ASPSCR1: variants seen among roughly 807,000 people sequenced by gnomAD.
ASPSCR1 encodes the protein tether containing UBX domain for GLUT4.
Under a neutral mutation model 68.9 loss-of-function variants are expected in ASPSCR1, and 55 were observed. The observed-to-expected ratio is 0.80, with a 90% CI of 0.64 to 1.00. The LOEUF is 1.00. ASPSCR1 is among the 50% of genes least tolerant of loss of function. The pLI, the probability that ASPSCR1 is intolerant of heterozygous loss-of-function variation, is 0.00. For missense variants in ASPSCR1, 765 were observed against 762.2 expected, an observed-to-expected ratio of 1.00 and a Z score of -0.04; for synonymous variants, 352 against 332.6, an observed-to-expected ratio of 1.06 and a Z score of -0.63.
rs869273858 is a variant in ASPSCR1 at position 81,999,626 on chromosome 17, CAAA to C, written c.933+2796_933+2798del. ...CGGGTGACAGAGTGAAACTCCATCT[CAAA>C]AAAAAAAAAAAAAAAGAAAACAAGA... On this transcript the variant is annotated intron_variant, in intron 7 of 15. Transcript: ENST00000306739. This position sits in a 1 kb window ranked among gnomAD's most constrained non-coding sequence, Gnocchi z 4.4. 6.9e-5 allele frequency among the ~76,000 whole-genome samples: 5 copies of C among 72,002 alleles called. No individual in the cohort carries two copies. Among genetic ancestry groups the C allele is most frequent in the Non-Finnish European group, 2.9e-5 (1 of 34,486 alleles). 47.2% of individuals were successfully genotyped at this position (72,002 alleles called of 152,430 possible). A position where few individuals can be genotyped will look rare whatever the true frequency, so the allele number is the denominator to read the frequency against.
At chr17:81,995,283 G>A (rs1464693340) in intron 5 of ASPSCR1, 1 of 376,996 alleles carries the variant, frequency 2.7e-6, no homozygotes, top group Non-Finnish European at 4.7e-6. Flanking sequence ...CCCTTTGCTG[G>A]GGTGGGGGGG....
At chr17:81,982,366 A>G (rs543305086) in intron 2 of ASPSCR1, among the ~76,000 whole-genome samples, 1 of 152,370 alleles carries the variant, frequency 6.6e-6, no homozygotes, top group South Asian at 2.1e-4. Flanking sequence ...GCAATACCAT[A>G]GCCATGTTTT....
At chr17:81,994,743 A>G in intron 4 of ASPSCR1, 78 bp from the exon 5 acceptor site, 1 of 1,465,480 alleles carries the variant, frequency 6.8e-7, no homozygotes, top group Non-Finnish European at 9.5e-7. Context: ...TTGCTTTCCG[A>G]GTCTCCTGCC....
intron 8 of ASPSCR1, 110 bp downstream of exon 8, chr17:82,009,301 C>G: frequency 6.9e-7 from 1 of 1,440,240 alleles, no homozygotes; most frequent in Middle Eastern, 2.0e-4. Flanking sequence ...GCCCAGGTCC[C>G]TGACAGGCTG....
At chr17:81,984,958 CCACACACCTG>C (rs1450711713) in intron 3 of ASPSCR1, among the ~76,000 whole-genome samples, 10 of 121,312 alleles carry the variant, frequency 8.2e-5, no homozygotes, top group Admixed American at 3.2e-4. Flanking sequence ...CGCACACACC[CCACACACCTG>C]CACACACCCA....
chr17:81,985,045 C>T (rs1254024277), intron 3 of ASPSCR1, among the ~76,000 whole-genome samples: 1 of 139,812 alleles, frequency 7.2e-6, no homozygotes, highest in African/African-American at 2.7e-5. Flanking sequence ...ACACACCTCC[C>T]CCCCACACAC....
intron 10 of ASPSCR1, among the ~76,000 whole-genome samples, chr17:82,011,192 G>A (rs1386700393): frequency 1.3e-5 from 2 of 152,088 alleles, no homozygotes; most frequent in Non-Finnish European, 2.9e-5. Context: ...GAGGGCAGTG[G>A]TGCTGTGACA....
At chr17:81,980,864 C>T (rs2041773411) in intron 2 of ASPSCR1, among the ~76,000 whole-genome samples, 1 of 152,116 alleles carries the variant, frequency 6.6e-6, no homozygotes, top group Admixed American at 6.6e-5. Flanking sequence ...TTTTTGGCCT[C>T]TGAAGTCAGA....
chr17:82,015,523 G>A, intron 12 of ASPSCR1: 1 of 896,552 alleles, frequency 1.1e-6, no homozygotes, highest in Non-Finnish European at 1.6e-6. Context: ...TGGCCTGTGG[G>A]GGCTATGATG....
rs1396814913 is a variant in ASPSCR1, at chr17:81,999,520, G to A, written c.933+2674G>A. Among the ~76,000 whole-genome samples the A allele has an allele frequency of 6.6e-6, 1 of 151,982 alleles. No individual in the cohort carries two copies. The highest frequency in any genetic ancestry group is 2.4e-5 in the African/African-American group (1 of 41,358). ...CAGGTGCCTGTAATCCCAGCTACTC[G>A]GGAGACTGAGGCAGGAGAATCTCTT... On this transcript the variant is annotated intron_variant, in intron 7 of 15. Transcript: ENST00000306739. This position sits in a 1 kb window ranked among gnomAD's most constrained non-coding sequence, Gnocchi z 4.4.
intron 7 of ASPSCR1, among the ~76,000 whole-genome samples, chr17:81,998,742 G>A (rs1598411725): frequency 6.6e-6 from 1 of 152,206 alleles, no homozygotes; most frequent in Non-Finnish European, 1.5e-5. Flanking sequence ...TTTGGGAATC[G>A]AATTTCACCT....
At position 81,983,546 on chromosome 17, in the gene ASPSCR1, T is replaced by C; in HGVS notation, c.159-8T>C. ...AGGGCAGCAAGTGTGCTCTGGTCTG[T>C]CTTGCAGGTTTCAGAGGAGCGTGCT... On this transcript the variant is annotated splice_region_variant and splice_polypyrimidine_tract_variant and intron_variant, in intron 2 of 15. Transcript: ENST00000306739. The surrounding 1 kb of genome is among the most constrained non-coding windows in gnomAD (Gnocchi z 4.4). 3 of 1,604,544 alleles carry C rather than the reference T, an allele frequency of 1.9e-6. No individual in the cohort carries two copies. Among genetic ancestry groups the C allele is most frequent in the Non-Finnish European group, 2.6e-6 (3 of 1,173,596 alleles).
chr17:82,015,114 C>A (rs887536327), intron 12 of ASPSCR1: 31 of 1,598,096 alleles, frequency 1.9e-5, no homozygotes, highest in African/African-American at 2.7e-5. Flanking sequence ...CACCCTGGGT[C>A]CCTCGCTGAA....
chr17:82,003,391 T>G (rs1419967020), intron 7 of ASPSCR1, among the ~76,000 whole-genome samples: 1 of 152,194 alleles, frequency 6.6e-6, no homozygotes, highest in Non-Finnish European at 1.5e-5. Flanking sequence ...AAGACTGCAG[T>G]GAGCTGAGAT....
chr17:81,987,327 G>A lies in ASPSCR1; in HGVS notation c.374+1720G>A, dbSNP rs141363920. The stretch of plus-strand genomic sequence containing the variant: ...CTGGGTGAGAAGCAGGGATCCCGGC[G>A]CCCTGGCTCTGTGCTGCTTCCTGAG... On this transcript the variant is annotated intron_variant, in intron 4 of 15. Transcript: ENST00000306739. The surrounding 1 kb of genome is among the most constrained non-coding windows in gnomAD (Gnocchi z 5.6). Among the ~76,000 whole-genome samples, 222 of 152,346 alleles carry A rather than the reference G, an allele frequency of 1.5e-3. 3 individuals carry two copies. Among genetic ancestry groups the A allele is most frequent in the African/African-American group, 5.2e-3 (218 of 41,572 alleles).
chr17:82,014,452 TTCTC>T (rs989341454), intron 12 of ASPSCR1: 1 of 154,818 alleles, frequency 6.5e-6, no homozygotes, highest in Non-Finnish European at 1.4e-5. Flanking sequence ...CCGTGGTGCC[TTCTC>T]TCTCCCGGGC....
At chr17:82,015,079 A>G in intron 12 of ASPSCR1, 2 of 1,597,188 alleles carry the variant, frequency 1.3e-6, no homozygotes, top group Non-Finnish European at 1.7e-6. Flanking sequence ...TTCCAGCCCC[A>G]GCTTGGTGAC....
intron 7 of ASPSCR1, among the ~76,000 whole-genome samples, chr17:82,002,562 AT>A (rs1415610433): frequency 6.8e-6 from 1 of 147,368 alleles, no homozygotes; most frequent in Non-Finnish European, 1.5e-5. Flanking sequence ...GCCTATTTTT[AT>A]TTTTATTTTT....
Position 82,016,490 on chromosome 17 carries a change from G to T in ASPSCR1, c.1368G>T (p.Pro456=), listed in dbSNP as rs774550098. Residue 456 remains proline, a synonymous_variant, in exon 13 of 16, where the codon CCG becomes CCT. Transcript: ENST00000306739. Reference sequence around the variant, plus strand: ...CCTCCCTGCAGGCGAACCTCTTCCCGGCCGCTCTGGTGCACTTGGGAGCCG... The same window carrying T: ...CCTCCCTGCAGGCGAACCTCTTCCCTGCCGCTCTGGTGCACTTGGGAGCCG... ...TQTLFQANLF[P]AALVHLGAEE... is the part of the protein sequence containing the mutation. 3.2e-6 allele frequency: 5 copies of T among 1,548,630 alleles called. No individual in the cohort carries two copies. Among genetic ancestry groups the T allele is most frequent in the East Asian group, 4.9e-5 (2 of 40,954 alleles).
Sources: gnomAD v4.1 joint callset for allele counts (sites outside exome capture counted in the v4.1 genomes callset) on GRCh38, gnomAD v4.1.1 for gene constraint, Gnocchi (gnomAD v3.1) non-coding constraint, MANE v1.5 for transcripts, NCBI Gene and HGNC (gene_info 2026-07-23, HGNC 2026-07-21) for gene names.